RAP1A: variants seen among roughly 807,000 people sequenced by gnomAD.
The protein encoded by RAP1A is RAP1A, member of RAS oncogene family.
RAP1A carries 6 observed loss-of-function variants against 26.4 expected under a neutral mutation model. The ratio of observed to expected loss-of-function variants is 0.23; its 90% CI spans 0.12 to 0.45. The LOEUF (loss-of-function observed/expected upper bound fraction) is 0.45, where lower values mean the gene tolerates loss of function less well. Ranked by LOEUF, RAP1A falls within the 20% of genes least tolerant of loss-of-function variation. The pLI is 0.99. For synonymous variants in RAP1A, 73 were observed against 79.4 expected, an observed-to-expected ratio of 0.92 and a Z score of 0.43; for missense variants, 121 against 217.2, an observed-to-expected ratio of 0.56 and a Z score of 2.78.
chr1:111,559,075 T>A (rs937388118), intron 1 of RAP1A, among the ~76,000 whole-genome samples: 14 of 152,136 alleles, frequency 9.2e-5, no homozygotes, highest in Admixed American at 9.2e-4. Context: ...AGATAATTTT[T>A]AAAAAACATG....
At chr1:111,684,677 G>T (rs1022765458) in intron 1 of RAP1A, among the ~76,000 whole-genome samples, 1 of 152,086 alleles carries the variant, frequency 6.6e-6, no homozygotes, top group African/African-American at 2.4e-5. Context: ...TGGATAGGAA[G>T]AATCAATATC....
intron 1 of RAP1A, among the ~76,000 whole-genome samples, chr1:111,544,605 C>A (rs1656969070): frequency 6.6e-6 from 1 of 152,132 alleles, no homozygotes. Context: ...CCCTTATCAG[C>A]TGATAAACAT....
At chr1:111,621,288 A>G (rs1289793119) in intron 1 of RAP1A, among the ~76,000 whole-genome samples, 1 of 152,162 alleles carries the variant, frequency 6.6e-6, no homozygotes, top group Non-Finnish European at 1.5e-5. Context: ...GGACATGCCT[A>G]TGTGTAGTTT....
intron 1 of RAP1A, among the ~76,000 whole-genome samples, chr1:111,605,843 T>G (rs1379445287): frequency 6.6e-6 from 1 of 152,192 alleles, no homozygotes; most frequent in Non-Finnish European, 1.5e-5. Context: ...GCTACAAAAG[T>G]GTTGGCTGGT....
At chr1:111,575,734 C>A (rs930377129) in intron 1 of RAP1A, among the ~76,000 whole-genome samples, 2 of 152,138 alleles carry the variant, frequency 1.3e-5, no homozygotes, top group East Asian at 1.9e-4. Flanking sequence ...AGACACCAAA[C>A]CTGCTGACAC....
chr1:111,654,646 A>G (rs1415407741), intron 1 of RAP1A, among the ~76,000 whole-genome samples: 4 of 152,090 alleles, frequency 2.6e-5, no homozygotes, highest in East Asian at 3.9e-4. Flanking sequence ...CTTGCACATA[A>G]TAAGTCCTCA....
intron 4 of RAP1A, 69 bp downstream of exon 4, chr1:111,697,566 T>G: frequency 6.3e-7 from 1 of 1,593,870 alleles, no homozygotes; most frequent in South Asian, 1.1e-5. Context: ...GAGTAGGTTT[T>G]GTCATCCAGA....
chr1:111,668,929 T>C (rs771785427), intron 1 of RAP1A, among the ~76,000 whole-genome samples: 1 of 145,244 alleles, frequency 6.9e-6, no homozygotes, highest in South Asian at 2.2e-4. Flanking sequence ...ACTTGGGAGG[T>C]TGAGGTATGA....
At chr1:111,562,778 T>C (rs1329657254) in intron 1 of RAP1A, among the ~76,000 whole-genome samples, 1 of 152,244 alleles carries the variant, frequency 6.6e-6, no homozygotes, top group Non-Finnish European at 1.5e-5. Context: ...CTTGATAGGC[T>C]GGAAGACTAA....
intron 1 of RAP1A, among the ~76,000 whole-genome samples, chr1:111,586,050 G>A (rs993099189): frequency 2.0e-5 from 3 of 151,988 alleles, no homozygotes; most frequent in Admixed American, 1.3e-4. Flanking sequence ...TTCTTTCTCA[G>A]GTCCCATAAA....
At chr1:111,619,551 A>T (rs1257848866), upstream of RAP1A, among the ~76,000 whole-genome samples, 2 of 152,042 alleles carry the variant, frequency 1.3e-5, no homozygotes, top group Non-Finnish European at 2.9e-5. Context: ...ACCCTTCCTC[A>T]TCTTTTTTCC....
chr1:111,648,206 T>TGTGTGTGTGTG (rs773470455), intron 1 of RAP1A: 3 of 142,626 alleles, frequency 2.1e-5, no homozygotes, highest in African/African-American at 1.4e-4. Flanking sequence ...TGTGTGTGTA[T>TGTGTGTGTGTG]TTTTTTTTTT....
Position 111,691,431 on chromosome 1 carries a change from C to T in RAP1A, c.57+14C>T, listed in dbSNP as rs369905001. Reference sequence around the variant, plus strand: ...AAGTCTGCTCTGGTAAGTTAGCCACCTAACTGTAACTGATTAATATAATAC... The same window carrying T: ...AAGTCTGCTCTGGTAAGTTAGCCACTTAACTGTAACTGATTAATATAATAC... On this transcript the variant is annotated intron_variant, in intron 2 of 7. Coordinates refer to ENST00000369709, the MANE Select transcript of RAP1A (RefSeq NM_002884.4). 4 of 1,595,310 alleles carry T rather than the reference C, an allele frequency of 2.5e-6. No individual in the cohort carries two copies. Among genetic ancestry groups the T allele is most frequent in the Non-Finnish European group, 3.4e-6 (4 of 1,163,148 alleles).
intron 1 of RAP1A, among the ~76,000 whole-genome samples, chr1:111,674,716 G>A (rs1661072138): frequency 6.6e-6 from 1 of 152,180 alleles, no homozygotes; most frequent in African/African-American, 2.4e-5. Context: ...ATACCTAGGA[G>A]TTATCACTGA....
At chr1:111,683,769 C>G (rs1200397429) in intron 1 of RAP1A, among the ~76,000 whole-genome samples, 1 of 152,192 alleles carries the variant, frequency 6.6e-6, no homozygotes, top group Admixed American at 6.5e-5. Flanking sequence ...TGAAACTATT[C>G]CAAACAACAG....
At chr1:111,549,876 C>T (rs547358745) in intron 1 of RAP1A, among the ~76,000 whole-genome samples, 2 of 152,076 alleles carry the variant, frequency 1.3e-5, no homozygotes, top group Non-Finnish European at 2.9e-5. Context: ...TGGCCTTAAA[C>T]TCCTAGCCTC....
At chr1:111,647,045 A>G (rs1048376121) in intron 1 of RAP1A, among the ~76,000 whole-genome samples, 10 of 152,162 alleles carry the variant, frequency 6.6e-5, no homozygotes, top group African/African-American at 2.4e-4. Flanking sequence ...GGGGTCTCCA[A>G]CCCCTGGGCC....
intron 7 of RAP1A, among the ~76,000 whole-genome samples, chr1:111,711,838 A>T (rs1662393901): frequency 2.0e-5 from 3 of 152,230 alleles, no homozygotes; most frequent in African/African-American, 7.2e-5. Flanking sequence ...TTTTAAAGAC[A>T]TCTGAGAGAA....
chr1:111,618,532 A>T (rs530661838), upstream of RAP1A, among the ~76,000 whole-genome samples: 10 of 152,238 alleles, frequency 6.6e-5, no homozygotes, highest in South Asian at 1.9e-3. Flanking sequence ...TAGACTTAAG[A>T]CTTAAAAAGT....
Sources: gnomAD v4.1 joint callset for allele counts (sites outside exome capture counted in the v4.1 genomes callset) on GRCh38, gnomAD v4.1.1 for gene constraint, MANE v1.5 for transcripts, NCBI Gene and HGNC (gene_info 2026-07-23, HGNC 2026-07-21) for gene names.